Variants in TWIST2 observed in about 807,000 individuals in gnomAD.
TWIST2 encodes the protein twist-related protein 2.
Under a neutral mutation model 11.6 loss-of-function variants are expected in TWIST2, and 1 was observed. The ratio of observed to expected loss-of-function variants is 0.09; its 90% confidence interval spans 0.03 to 0.41. The LOEUF (loss-of-function observed/expected upper bound fraction) is 0.41, where lower values mean the gene tolerates loss of function less well. Ranked by LOEUF, TWIST2 falls within the 10% of genes least tolerant of loss-of-function variation. The probability of loss-of-function intolerance (pLI) is 0.98; values close to 1 mark genes in which losing one functional copy is unlikely to be tolerated. For missense variants in TWIST2, 168 were observed against 226.4 expected (o/e 0.74, Z 1.66); for synonymous variants, 87 against 96.6 (o/e 0.90, Z 0.58).
In TWIST2 at chr2:238,884,388, G is replaced by A. The variant is rs373692308; in HGVS notation, c.*36-25454G>A. ...GTGGCACAGGTGAGGCCGGAGGGCCGCTTCCCATGCGAGTGGCTTCATGCC... is the reference window on the plus strand; with the variant it reads ...GTGGCACAGGTGAGGCCGGAGGGCCACTTCCCATGCGAGTGGCTTCATGCC... On this transcript the variant is annotated intron_variant, in intron 1 of 1. Transcript: ENST00000612363. Among the ~76,000 whole-genome samples the A allele has an allele frequency of 1.6e-4, 25 of 152,370 alleles. No homozygotes were observed. In the East Asian group the frequency reaches 2.9e-3, roughly 18 times the overall value.
chr2:238,848,236 G>C lies in TWIST2; in HGVS notation c.21G>C (p.Ser7=), dbSNP rs1395613347. 6.8e-7 allele frequency: 1 copy of C among 1,463,128 alleles called. No homozygotes were observed. The highest frequency in any genetic ancestry group is 1.4e-5 in the African/African-American group (1 of 69,230). The allele number at this position is 1,463,128 out of a possible 1,614,324, so 90.6% of individuals were successfully genotyped here. MEEGSS[S]PVSPVDSLGT... is the part of the protein sequence containing the mutation. ...GCGCCATGGAGGAGGGCTCCAGCTCGCCCGTGTCCCCCGTGGACAGCCTGG... is the reference window on the plus strand; with the variant it reads ...GCGCCATGGAGGAGGGCTCCAGCTCCCCCGTGTCCCCCGTGGACAGCCTGG... Residue 7 remains serine, a synonymous_variant, in exon 1 of 2, where the codon TCG becomes TCC. Transcript: ENST00000612363.
intron 1 of TWIST2, among the ~76,000 whole-genome samples, chr2:238,872,179 A>T (rs1692719212): frequency 6.6e-6 from 1 of 152,128 alleles, no homozygotes. Flanking sequence ...CTATCCCACT[A>T]GCAGTCCCTG....
intron 1 of TWIST2, among the ~76,000 whole-genome samples, chr2:238,896,438 C>T (rs1039502281): frequency 0.019 from 2,937 of 152,244 alleles, 40 homozygotes; most frequent in Non-Finnish European, 0.031. Context: ...GCCGCCTGGC[C>T]GAGCAGTGTC....
intron 1 of TWIST2, among the ~76,000 whole-genome samples, chr2:238,905,908 TGTGTGCGTGCAG>T (rs1399311632): frequency 1.6e-4 from 7 of 43,894 alleles, no homozygotes; most frequent in Non-Finnish European, 2.9e-4. Flanking sequence ...TGTGTGCGTG[TGTGTGCGTGCAG>T]GTGTGCGTGT....
intron 1 of TWIST2, among the ~76,000 whole-genome samples, chr2:238,862,763 A>G (rs1321933647): frequency 6.6e-6 from 1 of 152,234 alleles, no homozygotes; most frequent in Non-Finnish European, 1.5e-5. Context: ...CAGCTTCATT[A>G]ATATTGGCGA....
chr2:238,906,225 G>A (rs1437589794), intron 1 of TWIST2, among the ~76,000 whole-genome samples: 1 of 151,836 alleles, frequency 6.6e-6, no homozygotes, highest in East Asian at 1.9e-4. Context: ...CGCCCACAGG[G>A]ACACACACGG....
Position 238,906,590 on chromosome 2 carries a change from GAC to G in TWIST2, c.*36-3245_*36-3244del, listed in dbSNP as rs1262465413. On this transcript the variant is annotated intron_variant, in intron 1 of 1. Transcript: ENST00000612363. Reference sequence around the variant, plus strand: ...ACACAATTTACACAACTTGCACATGGACACACACTCACTCTGGACATTCTTTC... The same window carrying G: ...ACACAATTTACACAACTTGCACATGGACACACTCACTCTGGACATTCTTTC... Among the ~76,000 whole-genome samples, 662 of 151,926 alleles carry G rather than the reference GAC, an allele frequency of 4.4e-3. 6 individuals carry two copies. The highest frequency in any genetic ancestry group is 0.015 in the African/African-American group (620 of 41,456).
intron 1 of TWIST2, among the ~76,000 whole-genome samples, chr2:238,904,919 G>A (rs1693322540): frequency 6.6e-6 from 1 of 151,870 alleles, no homozygotes; most frequent in African/African-American, 2.4e-5. Flanking sequence ...ATGAAGGACA[G>A]GTGGTACATC....
chr2:238,908,176 C>A (rs1300616081), intron 1 of TWIST2, among the ~76,000 whole-genome samples: 2 of 150,920 alleles, frequency 1.3e-5, no homozygotes, highest in Non-Finnish European at 3.0e-5. Context: ...TATACATACC[C>A]CACACCACAC....
intron 1 of TWIST2, among the ~76,000 whole-genome samples, chr2:238,889,781 AT>A (rs1226389541): frequency 6.6e-6 from 1 of 152,238 alleles, no homozygotes; most frequent in Non-Finnish European, 1.5e-5. Context: ...CAGTGCGTTC[AT>A]TACAGATTTC....
chr2:238,886,586 C>G (rs367711577), intron 1 of TWIST2, among the ~76,000 whole-genome samples: 1 of 151,392 alleles, frequency 6.6e-6, no homozygotes, highest in South Asian at 2.1e-4. Flanking sequence ...TCTGGAGCCC[C>G]GGGGGCATGG....
chr2:238,868,771 T>C (rs1692591580), intron 1 of TWIST2, among the ~76,000 whole-genome samples: 1 of 152,190 alleles, frequency 6.6e-6, no homozygotes, highest in African/African-American at 2.4e-5. Flanking sequence ...CAGTGTGGGC[T>C]GATCCACAGG....
rs927225662 is a variant in TWIST2 at position 238,863,254 on chromosome 2, C to T, written c.*35+14521C>T. On this transcript the variant is annotated intron_variant, in intron 1 of 1. Coordinates refer to ENST00000612363, the MANE Select transcript of TWIST2 (RefSeq NM_001271893.4). The surrounding 1 kb of genome is among the most constrained non-coding windows in gnomAD (Gnocchi z 4.7). The stretch of plus-strand genomic sequence containing the variant: ...GCCATCCACATAGGAATGCCCTCAC[C>T]GCAACCCCCACTCGGTGTTAGGACT... 5.9e-5 allele frequency among the ~76,000 whole-genome samples: 9 copies of T among 152,082 alleles called. No homozygotes were observed. The highest frequency in any genetic ancestry group is 8.8e-5 in the Non-Finnish European group (6 of 68,020).
At position 238,870,125 on chromosome 2, in the gene TWIST2, CACA is replaced by C. The variant is rs1227277175; in HGVS notation, c.*35+21393_*35+21395del. On this transcript the variant is annotated intron_variant, in intron 1 of 1. Transcript: ENST00000612363. ...GTACACAGACACACCATACACCCCC[CACA>C]CACACACCACACCCCATACACACCA... 1.2e-3 allele frequency among the ~76,000 whole-genome samples: 99 copies of C among 79,474 alleles called. 1 individual carries two copies. The highest frequency in any genetic ancestry group is 3.2e-3 in the African/African-American group (47 of 14,882). 52.1% of individuals were successfully genotyped at this position (79,474 alleles called of 152,430 possible).
At chr2:238,860,892 C>T (rs990683189) in intron 1 of TWIST2, among the ~76,000 whole-genome samples, 25 of 152,152 alleles carry the variant, frequency 1.6e-4, no homozygotes, top group Non-Finnish European at 3.5e-4. Context: ...GAGCCGACAT[C>T]GCGCCACTGC....
chr2:238,857,575 C>T (rs868332473), intron 1 of TWIST2, among the ~76,000 whole-genome samples: 1 of 151,878 alleles, frequency 6.6e-6, no homozygotes, highest in Admixed American at 6.6e-5. Context: ...AGAAGCCAAA[C>T]GACCATCTTG....
chr2:238,884,754 C>G (rs1010901903), intron 1 of TWIST2, among the ~76,000 whole-genome samples: 17 of 152,196 alleles, frequency 1.1e-4, no homozygotes, highest in African/African-American at 3.4e-4. Flanking sequence ...AAATGTACCT[C>G]GCAGGCCTCC....
chr2:238,907,650 A>G (rs1693375178), intron 1 of TWIST2, among the ~76,000 whole-genome samples: 1 of 151,898 alleles, frequency 6.6e-6, no homozygotes, highest in African/African-American at 2.4e-5. Flanking sequence ...GCAAGAAACA[A>G]CACGCATGAT....
chr2:238,866,611 C>T lies in TWIST2; in HGVS notation c.*35+17878C>T, dbSNP rs552386847. Reference sequence around the variant, plus strand: ...GGCGGAGGTTGCAGTGAGCTGAGATCGCGCCACTGTACTCCAGCCTGGGTG... The same window carrying T: ...GGCGGAGGTTGCAGTGAGCTGAGATTGCGCCACTGTACTCCAGCCTGGGTG... On this transcript the variant is annotated intron_variant, in intron 1 of 1. Coordinates refer to ENST00000612363, the MANE Select transcript of TWIST2 (RefSeq NM_001271893.4). The surrounding 1 kb of genome is among the most constrained non-coding windows in gnomAD (Gnocchi z 4.9). 7.9e-5 allele frequency among the ~76,000 whole-genome samples: 12 copies of T among 152,166 alleles called. No homozygotes were observed. The highest frequency in any genetic ancestry group is 1.2e-4 in the African/African-American group (5 of 41,510).
Sources: gnomAD v4.1 joint callset for allele counts (sites outside exome capture counted in the v4.1 genomes callset) on GRCh38, gnomAD v4.1.1 for gene constraint, Gnocchi (gnomAD v3.1) non-coding constraint, MANE v1.5 for transcripts, NCBI Gene and HGNC (gene_info 2026-07-23, HGNC 2026-07-21) for gene names.